The following PCDHGA2 variants were observed in gnomAD, a reference collection of about 807,000 sequenced individuals.
The protein encoded by PCDHGA2 is protocadherin gamma subfamily A, 2.
A neutral mutation model predicts 59.2 loss-of-function variants in PCDHGA2; 40 were observed. The ratio of observed to expected loss-of-function variants is 0.68; its 90% CI spans 0.52 to 0.88. The LOEUF (loss-of-function observed/expected upper bound fraction) is 0.88, where lower values mean the gene tolerates loss of function less well. Among genes scored for constraint, PCDHGA2 ranks in the 40% least tolerant of loss-of-function variants. The pLI is 0.00. For missense variants in PCDHGA2, 1,226 were observed against 1,204.0 expected, an observed-to-expected ratio of 1.02 and a Z score of -0.27; for synonymous variants, 560 against 526.0, an observed-to-expected ratio of 1.06 and a Z score of -0.89.
At chr5:141,355,580 A>T (rs1204408500) in intron 1 of PCDHGA2, 1 of 1,614,038 alleles carries the variant, frequency 6.2e-7, no homozygotes, top group Admixed American at 1.7e-5. Context: ...ATCGATGTTA[A>T]TGATAACCCA....
At chr5:141,384,938 C>T (rs754481008) in intron 1 of PCDHGA2, 26 of 1,613,824 alleles carry the variant, frequency 1.6e-5, no homozygotes, top group Non-Finnish European at 2.2e-5. Flanking sequence ...AGCCTTGAGC[C>T]CTCCGACGGT....
At chr5:141,388,448 C>T in intron 1 of PCDHGA2, 1 of 1,613,760 alleles carries the variant, frequency 6.2e-7, no homozygotes, top group Non-Finnish European at 8.5e-7. Context: ...AATCAGATGG[C>T]AGTAAATACC....
chr5:141,386,043 T>A (rs1356183154), intron 1 of PCDHGA2: 7 of 152,254 alleles, frequency 4.6e-5, no homozygotes, highest in Admixed American at 1.3e-4. Context: ...GGCAATTACA[T>A]GTTTTAACAG....
intron 1 of PCDHGA2, chr5:141,351,790 G>T (rs3749778): frequency 0.047 from 76,278 of 1,613,396 alleles, 1,925 homozygotes; most frequent in African/African-American, 0.069. Flanking sequence ...GCGGGGTGGT[G>T]TTCGCGCAGC....
At chr5:141,383,770 A>T (rs776707003) in intron 1 of PCDHGA2, 11 of 1,613,890 alleles carry the variant, frequency 6.8e-6, no homozygotes, top group Non-Finnish European at 8.5e-6. Flanking sequence ...ACTTCCAAAG[A>T]TGTTTCATCT....
In PCDHGA2 at chr5:141,339,268, C is replaced by T. The variant is rs1338021572; in HGVS notation, c.297C>T (p.Ser99=). The change falls in exon 1 of 4, where the codon AGC becomes AGT. Residue 99 remains serine, a synonymous_variant. Transcript: ENST00000394576. The part of the protein sequence containing the change: ...RIDREELCAQ[S]APCLLNFNIL... The stretch of plus-strand genomic sequence containing the variant: ...ACCGGGAGGAGCTCTGCGCTCAGAG[C>T]GCACCCTGTCTGTTGAATTTTAACA... 2.5e-6 allele frequency: 4 copies of T among 1,614,090 alleles called. No individual in the cohort carries two copies. The South Asian group carries it at 3.3e-5, about 13-fold the overall frequency.
rs774471563 is a variant in PCDHGA2, at chr5:141,365,988, T to A, written c.2424+24593T>A. The A allele has an allele frequency of 5.6e-6, 9 of 1,614,268 alleles. No individual in the cohort carries two copies. The South Asian group carries it at 9.9e-5, about 18-fold the overall frequency. The stretch of plus-strand genomic sequence containing the variant: ...AACGTGTCGCTGAGCCTGTTTGTGC[T>A]GGACCAGAACGACAATACGCCTGAG... On this transcript the variant is annotated intron_variant, in intron 1 of 3. Coordinates refer to ENST00000394576, the MANE Select transcript of PCDHGA2 (RefSeq NM_018915.4).
intron 2 of PCDHGA2, among the ~76,000 whole-genome samples, chr5:141,502,186 CA>C (rs1470455379): frequency 1.3e-5 from 2 of 152,148 alleles, no homozygotes; most frequent in Non-Finnish European, 2.9e-5. Context: ...AACATTAATA[CA>C]ATAATATAGA....
In PCDHGA2 at chr5:141,485,318, G is replaced by A. The variant is rs1318256454; in HGVS notation, c.2425-9489G>A. On this transcript the variant is annotated intron_variant, in intron 1 of 3. Transcript: ENST00000394576. The surrounding 1 kb of genome is among the most constrained non-coding windows in gnomAD (Gnocchi z 5.7). ...GGAAGGGACTTTTGTAGGGAATGTC[G>A]CTCAAGATTTCCTGCTGGATACGGA... 3 of 1,614,142 alleles carry A rather than the reference G, an allele frequency of 1.9e-6. No homozygotes were observed. The highest frequency in any genetic ancestry group is 2.5e-6 in the Non-Finnish European group (3 of 1,180,006).
intron 1 of PCDHGA2, among the ~76,000 whole-genome samples, chr5:141,481,171 C>G (rs927813327): frequency 6.6e-6 from 1 of 152,120 alleles, no homozygotes; most frequent in African/African-American, 2.4e-5. Flanking sequence ...AACCAGAATC[C>G]AGCTTTATTG....
intron 1 of PCDHGA2, among the ~76,000 whole-genome samples, chr5:141,381,816 C>G (rs1588905035): frequency 8.2e-6 from 1 of 122,550 alleles, no homozygotes. Context: ...TTCTTTCTTT[C>G]TTTCTTCTTC....
At chr5:141,473,401 T>G (rs1285517100) in intron 1 of PCDHGA2, among the ~76,000 whole-genome samples, 3 of 152,222 alleles carry the variant, frequency 2.0e-5, no homozygotes. Context: ...GCTTCTTTTT[T>G]TCTTCTTCAG....
At position 141,431,566 on chromosome 5, in the gene PCDHGA2, T is replaced by G; in HGVS notation, c.2425-63241T>G. ...TGCTTGTAGTCAACGCTACCGACCCTGACGAAGGAGTCAATGCGGAAGTGA... is the reference window on the plus strand; with the variant it reads ...TGCTTGTAGTCAACGCTACCGACCCGGACGAAGGAGTCAATGCGGAAGTGA... On this transcript the variant is annotated intron_variant, in intron 1 of 3. Transcript: ENST00000394576. This position sits in a 1 kb window ranked among gnomAD's most constrained non-coding sequence, Gnocchi z 4.8. 6.2e-7 allele frequency: 1 copy of G among 1,614,128 alleles called. No homozygotes were observed. The highest frequency in any genetic ancestry group is 1.1e-5 in the South Asian group (1 of 91,088).
chr5:141,382,477 A>C (rs906879449), intron 1 of PCDHGA2, among the ~76,000 whole-genome samples: 5 of 152,240 alleles, frequency 3.3e-5, no homozygotes, highest in African/African-American at 1.2e-4. Context: ...ATTATCTAAG[A>C]TTATCAAACA....
chr5:141,415,740 GTTTTTTTTTTTT>G lies in PCDHGA2; in HGVS notation c.2424+74366_2424+74377del, dbSNP rs57426385. ...TGAGTAGAATTTGATGTTTATTAAGGTTTTTTTTTTTTTTTTTTTTTTTTTTTTTTTTACTTT... is the reference window on the plus strand; with the variant it reads ...TGAGTAGAATTTGATGTTTATTAAGGTTTTTTTTTTTTTTTTTTTTACTTT... On this transcript the variant is annotated intron_variant, in intron 1 of 3. Transcript: ENST00000394576. The G allele has an allele frequency of 5.3e-4, 329 of 624,896 alleles. 2 individuals are homozygous for G. Among genetic ancestry groups the G allele is most frequent in the African/African-American group, 1.2e-3 (49 of 39,888 alleles). The allele number at this position is 624,896 out of a possible 1,614,324, so 38.7% of individuals were successfully genotyped here.
intron 2 of PCDHGA2, among the ~76,000 whole-genome samples, chr5:141,496,474 T>A (rs2099769027): frequency 6.6e-6 from 1 of 152,140 alleles, no homozygotes; most frequent in African/African-American, 2.4e-5. Context: ...CTTTCCCCCA[T>A]CCTGCAACCA....
At chr5:141,438,649 CACATATATGTAT>C (rs1346265042) in intron 1 of PCDHGA2, among the ~76,000 whole-genome samples, 20 of 100,970 alleles carry the variant, frequency 2.0e-4, no homozygotes, top group Admixed American at 2.1e-4. Flanking sequence ...CACACACACA[CACATATATGTAT>C]ATATATATTT....
intron 1 of PCDHGA2, chr5:141,478,906 C>T: frequency 1.1e-6 from 1 of 906,534 alleles, no homozygotes; most frequent in Non-Finnish European, 1.6e-6. Context: ...GAATAAGCTG[C>T]TGGATACCTC....
intron 1 of PCDHGA2, chr5:141,409,924 C>A (rs760490649): frequency 6.2e-7 from 1 of 1,613,416 alleles, no homozygotes; most frequent in Admixed American, 1.7e-5. Flanking sequence ...GCTCCGCGTT[C>A]TTCGATATGG....
Sources: allele counts gnomAD v4.1 joint callset (sites outside exome capture counted in the v4.1 genomes callset), GRCh38; gene constraint gnomAD v4.1.1; non-coding constraint Gnocchi (gnomAD v3.1); transcripts MANE v1.5; gene names NCBI Gene and HGNC (gene_info 2026-07-23, HGNC 2026-07-21).